The following GALNT17 variants were observed in gnomAD, a reference collection of about 807,000 sequenced individuals.
The protein encoded by GALNT17 is UDP-GalNAc:polypeptide N-acetylgalactosaminyltransferase-like 3.
A neutral mutation model predicts 63.7 loss-of-function variants in GALNT17; 29 were observed. That is an observed-to-expected ratio of 0.46 (90% CI 0.34 to 0.62). The LOEUF is 0.62. Among genes scored for constraint, GALNT17 ranks in the 20% least tolerant of loss-of-function variants. GALNT17 has a pLI of 0.01. For missense variants in GALNT17, 603 were observed against 799.6 expected, an observed-to-expected ratio of 0.75 and a Z score of 2.97; for synonymous variants, 305 against 318.3, an observed-to-expected ratio of 0.96 and a Z score of 0.45.
intron 5 of GALNT17, among the ~76,000 whole-genome samples, chr7:71,567,412 A>G (rs1562693891): frequency 6.6e-6 from 1 of 152,164 alleles, no homozygotes; most frequent in African/African-American, 2.4e-5. Flanking sequence ...CACTGGGCCC[A>G]TTGCAGGTTT....
chr7:71,593,250 T>C (rs1222315396), intron 6 of GALNT17, among the ~76,000 whole-genome samples: 1 of 139,804 alleles, frequency 7.2e-6, no homozygotes, highest in African/African-American at 2.6e-5. Context: ...TTTACCAATA[T>C]TTTTCTTCCT....
chr7:71,234,151 G>A (rs996707779), intron 1 of GALNT17, among the ~76,000 whole-genome samples: 4 of 152,202 alleles, frequency 2.6e-5, no homozygotes, highest in African/African-American at 7.2e-5. Context: ...CTTGCTTTGG[G>A]TGGTTTAGCA....
intron 6 of GALNT17, among the ~76,000 whole-genome samples, chr7:71,659,202 T>C (rs1408281660): frequency 6.6e-6 from 1 of 152,244 alleles, no homozygotes; most frequent in Non-Finnish European, 1.5e-5. Flanking sequence ...TCTGAATCCA[T>C]TTTCTACGTT....
chr7:71,416,099 C>T, intron 4 of GALNT17, 36 bp downstream of exon 4: 1 of 1,576,460 alleles, frequency 6.3e-7, no homozygotes, highest in Non-Finnish European at 8.6e-7. Flanking sequence ...GTGCTCAAGA[C>T]CTGCATTGTG....
intron 2 of GALNT17, among the ~76,000 whole-genome samples, chr7:71,368,720 A>G (rs374712974): frequency 1.3e-5 from 2 of 152,164 alleles, no homozygotes; most frequent in Non-Finnish European, 2.9e-5. Flanking sequence ...CTTGCCCATA[A>G]TTGATGCTCA....
chr7:71,434,941 G>A (rs2116498982), intron 5 of GALNT17, among the ~76,000 whole-genome samples: 1 of 152,256 alleles, frequency 6.6e-6, no homozygotes, highest in South Asian at 2.1e-4. Context: ...CTTTCTTCAG[G>A]GGACCAGTCT....
At position 71,305,362 on chromosome 7, in the gene GALNT17, A is replaced by G. The variant is rs545245414; in HGVS notation, c.239-30188A>G. ...CTTTATTCCTGGGGCAATTCTCCTT[A>G]AATTGTAGATCAAATCCAGCTGCAG... On this transcript the variant is annotated intron_variant, in intron 1 of 10. Coordinates refer to ENST00000333538, the MANE Select transcript of GALNT17 (RefSeq NM_022479.3). Among the ~76,000 whole-genome samples, 34 of 152,270 alleles carry G rather than the reference A, an allele frequency of 2.2e-4. No individual in the cohort carries two copies. In the South Asian group the frequency reaches 3.5e-3, roughly 16 times the overall value.
intron 1 of GALNT17, among the ~76,000 whole-genome samples, chr7:71,328,336 G>A (rs116591106): frequency 0.028 from 4,194 of 152,244 alleles, 169 homozygotes; most frequent in African/African-American, 0.076. Flanking sequence ...CAGGCCTGGT[G>A]CCAAGAAGCC....
At chr7:71,164,001 C>T (rs1462971675) in intron 1 of GALNT17, among the ~76,000 whole-genome samples, 3 of 152,152 alleles carry the variant, frequency 2.0e-5, no homozygotes, top group African/African-American at 7.2e-5. Context: ...ACTCTAGAAC[C>T]AATGGATTTA....
intron 1 of GALNT17, among the ~76,000 whole-genome samples, chr7:71,200,097 C>G (rs1789138772): frequency 1.3e-5 from 2 of 151,900 alleles, no homozygotes; most frequent in African/African-American, 2.4e-5. Context: ...CAGTAAGTAC[C>G]TTTTGTTGAA....
At chr7:71,324,800 C>T (rs556290616) in intron 1 of GALNT17, among the ~76,000 whole-genome samples, 1 of 152,032 alleles carries the variant, frequency 6.6e-6, no homozygotes, top group Non-Finnish European at 1.5e-5. Flanking sequence ...TAAAAATATA[C>T]ATATAGCACA....
intron 6 of GALNT17, among the ~76,000 whole-genome samples, chr7:71,601,644 G>A (rs1202300057): frequency 6.6e-6 from 1 of 152,070 alleles, no homozygotes; most frequent in Non-Finnish European, 1.5e-5. Context: ...AATTAGCCAG[G>A]CATGGTAGTG....
intron 9 of GALNT17, among the ~76,000 whole-genome samples, chr7:71,678,486 T>A (rs112629660): frequency 9.2e-5 from 14 of 151,802 alleles, no homozygotes; most frequent in African/African-American, 3.4e-4. Flanking sequence ...GAGACCAGCC[T>A]GGACAACATG....
intron 1 of GALNT17, among the ~76,000 whole-genome samples, chr7:71,150,615 A>G (rs1376056558): frequency 2.0e-5 from 3 of 147,600 alleles, no homozygotes; most frequent in Non-Finnish European, 4.5e-5. Context: ...GGTGCATGCC[A>G]TTCTCCTGCC....
chr7:71,236,675 G>C (rs1789897319), intron 1 of GALNT17, among the ~76,000 whole-genome samples: 1 of 152,174 alleles, frequency 6.6e-6, no homozygotes, highest in African/African-American at 2.4e-5. Context: ...GCTGTGTGCT[G>C]ATGCAACCGA....
chr7:71,467,807 C>T (rs1787561652), intron 5 of GALNT17, among the ~76,000 whole-genome samples: 1 of 151,906 alleles, frequency 6.6e-6, no homozygotes, highest in Non-Finnish European at 1.5e-5. Flanking sequence ...TGCAGGGAAA[C>T]CTGAATTTCA....
chr7:71,694,244 C>G (rs1037082165), intron 9 of GALNT17, among the ~76,000 whole-genome samples: 4 of 152,114 alleles, frequency 2.6e-5, no homozygotes, highest in African/African-American at 9.7e-5. Context: ...CTTGGTCCCT[C>G]CCACAAAACA....
chr7:71,409,487 C>G (rs1303732328), intron 3 of GALNT17, among the ~76,000 whole-genome samples: 1 of 152,170 alleles, frequency 6.6e-6, no homozygotes, highest in Non-Finnish European at 1.5e-5. Flanking sequence ...AATCTCCATA[C>G]TCTGAAGGGC....
At chr7:71,264,614 G>T (rs2115652273) in intron 1 of GALNT17, among the ~76,000 whole-genome samples, 1 of 152,154 alleles carries the variant, frequency 6.6e-6, no homozygotes, top group Non-Finnish European at 1.5e-5. Context: ...AAGAAAATGT[G>T]GTGTGTATGC....
Sources: gnomAD v4.1 joint callset for allele counts (sites outside exome capture counted in the v4.1 genomes callset) on GRCh38, gnomAD v4.1.1 for gene constraint, MANE v1.5 for transcripts, NCBI Gene and HGNC (gene_info 2026-07-23, HGNC 2026-07-21) for gene names.